Variants in UNC13C observed in about 807,000 individuals in gnomAD.
UNC13C encodes protein unc-13 homolog C.
UNC13C carries 174 observed loss-of-function variants against 245.4 expected under a neutral mutation model. The observed-to-expected ratio is 0.71, with a 90% CI of 0.63 to 0.80. The LOEUF is 0.80. UNC13C is among the 30% of genes least tolerant of loss of function. The pLI, the probability that UNC13C is intolerant of heterozygous loss-of-function variation, is 0.00. For synonymous variants in UNC13C, 992 were observed against 895.1 expected (o/e 1.11, Z -1.93); for missense variants, 2,829 against 2,602.9 (o/e 1.09, Z -1.89).
At chr15:54,068,011 T>C (rs758521630) in intron 2 of UNC13C, among the ~76,000 whole-genome samples, 2 of 152,210 alleles carry the variant, frequency 1.3e-5, no homozygotes, top group Non-Finnish European at 2.9e-5. Context: ...ATTGGGGTTA[T>C]TGAGAAGCAG....
At chr15:54,373,804 A>C (rs1241775593) in intron 17 of UNC13C, among the ~76,000 whole-genome samples, 1 of 152,166 alleles carries the variant, frequency 6.6e-6, no homozygotes, top group African/African-American at 2.4e-5. Context: ...TAGTCCTGCT[A>C]TTCAGTGGGT....
At chr15:54,571,228 C>A (rs1222163984) in intron 30 of UNC13C, among the ~76,000 whole-genome samples, 3 of 152,178 alleles carry the variant, frequency 2.0e-5, no homozygotes, top group African/African-American at 7.2e-5. Flanking sequence ...ACTCACAGTT[C>A]AGCATGGCTG....
chr15:54,359,266 T>G (rs1054876063), intron 17 of UNC13C, among the ~76,000 whole-genome samples: 8 of 151,956 alleles, frequency 5.3e-5, no homozygotes, highest in African/African-American at 1.9e-4. Context: ...AACAGGGATA[T>G]TGTCCTATAG....
chr15:54,464,957 A>G lies in UNC13C; in HGVS notation c.4934-29651A>G, dbSNP rs149105606. ...CATTCATTGTCTAGCCCCAATGATT[A>G]TAGAAGTTGATTTGTTATAACAAAT... On this transcript the variant is annotated intron_variant, in intron 19 of 32. Coordinates refer to ENST00000260323, the MANE Select transcript of UNC13C (RefSeq NM_001080534.3). Among the ~76,000 whole-genome samples, 538 of 152,094 alleles carry G rather than the reference A, an allele frequency of 3.5e-3. 4 individuals are homozygous for G. The highest frequency in any genetic ancestry group is 0.012 in the African/African-American group (511 of 41,536).
chr15:54,347,079 A>G (rs1016174191), intron 17 of UNC13C, among the ~76,000 whole-genome samples: 2 of 152,218 alleles, frequency 1.3e-5, no homozygotes, highest in African/African-American at 2.4e-5. Flanking sequence ...TAATATTAAT[A>G]GTGATTATTG....
At chr15:53,993,706 G>T (rs79818495) in intron 1 of UNC13C, among the ~76,000 whole-genome samples, 1 of 152,146 alleles carries the variant, frequency 6.6e-6, no homozygotes, top group East Asian at 1.9e-4. Context: ...TATTGTTGTT[G>T]TGTTTTTTTA....
At chr15:54,174,994 A>C (rs2033556594) in intron 4 of UNC13C, among the ~76,000 whole-genome samples, 1 of 152,100 alleles carries the variant, frequency 6.6e-6, no homozygotes, top group Admixed American at 6.5e-5. Flanking sequence ...TTGACCCCAC[A>C]TGTTTCTCCT....
chr15:54,597,543 A>G (rs550402878), intron 30 of UNC13C, among the ~76,000 whole-genome samples: 2 of 152,348 alleles, frequency 1.3e-5, no homozygotes, highest in East Asian at 1.9e-4. Context: ...AATGTTGGGC[A>G]TGGAGAATCA....
At chr15:53,838,778 G>T in the UNC13C span, among the ~76,000 whole-genome samples, 8 of 151,894 alleles carry the variant, frequency 5.3e-5, 1 homozygote, top group East Asian at 1.5e-3. Flanking sequence ...TCTGTTCTCT[G>T]GAAGAGCTTG....
Position 54,013,801 on chromosome 15 carries a change from A to T in UNC13C, c.898A>T (p.Arg300Trp). ...QLRTGFVQSRRETRDIHDYIK... is the reference protein window; with the variant it reads ...QLRTGFVQSRWETRDIHDYIK... The stretch of plus-strand genomic sequence containing the variant: ...GCGCACAGGGTTTGTCCAGTCTCGG[A>T]GGGAAACTAGAGACATCCATGATTA... The change falls in exon 2 of 33, where the codon AGG (arginine) becomes TGG (tryptophan). Residue 300 changes from arginine (R) to tryptophan (W), a missense_variant. By Grantham distance (101) the Arg-to-Trp change is moderately radical. Transcript: ENST00000260323. 1 of 1,611,816 alleles carries T rather than the reference A, an allele frequency of 6.2e-7. No individual in the cohort carries two copies. The highest frequency in any genetic ancestry group is 8.5e-7 in the Non-Finnish European group (1 of 1,179,082).
At chr15:54,425,630 C>T (rs2040744285) in intron 19 of UNC13C, among the ~76,000 whole-genome samples, 1 of 151,836 alleles carries the variant, frequency 6.6e-6, no homozygotes, top group African/African-American at 2.4e-5. Flanking sequence ...CAGTGGCCTT[C>T]ACACTGCGTT....
At chr15:54,467,891 T>C (rs1037711855) in intron 19 of UNC13C, among the ~76,000 whole-genome samples, 6 of 151,700 alleles carry the variant, frequency 4.0e-5, no homozygotes, top group African/African-American at 1.2e-4. Flanking sequence ...GTTTCCCACA[T>C]TGAATAATAT....
chr15:54,567,772 G>T (rs1688782355), intron 29 of UNC13C, 28 bp from the exon 30 acceptor site: 1 of 1,555,806 alleles, frequency 6.4e-7, no homozygotes. Flanking sequence ...CTCTCTAAAT[G>T]CCTCGGCTTA....
chr15:54,446,901 C>A (rs1297316568), intron 19 of UNC13C, among the ~76,000 whole-genome samples: 1 of 152,120 alleles, frequency 6.6e-6, no homozygotes, highest in Non-Finnish European at 1.5e-5. Context: ...AGTTTTTGCC[C>A]ATTCAGTATG....
intron 14 of UNC13C, among the ~76,000 whole-genome samples, chr15:54,330,491 C>T (rs1399901814): frequency 6.6e-6 from 1 of 151,862 alleles, no homozygotes; most frequent in African/African-American, 2.4e-5. Flanking sequence ...ATAAGAGGGC[C>T]GATGATTTGG....
rs1901339461 is a variant in UNC13C at position 54,628,503 on chromosome 15, A to AAAC, written c.*1391_*1393dup. ...CCAGTGAGGTGAGCTAATTCATGTT[A>AAAC]AACTGTTAGGCCACTGCTTTGTTAA... On this transcript the variant is annotated 3_prime_UTR_variant, in exon 33 of 33. Transcript: ENST00000260323. The AAAC allele has an allele frequency of 6.6e-6, 1 of 152,582 alleles. No individual in the cohort carries two copies. Among genetic ancestry groups the AAAC allele is most frequent in the Non-Finnish European group, 1.5e-5 (1 of 68,012 alleles). The allele number at this position is 152,582 out of a possible 1,614,324, so 9.5% of individuals were successfully genotyped here.
At chr15:54,553,380 TTATG>T (rs1417064312) in intron 28 of UNC13C, among the ~76,000 whole-genome samples, 2 of 127,158 alleles carry the variant, frequency 1.6e-5, no homozygotes, top group African/African-American at 2.9e-5. Context: ...TTATATTATA[TTATG>T]TATTAGTATA....
chr15:54,393,689 G>A (rs957532198), intron 18 of UNC13C, among the ~76,000 whole-genome samples: 2 of 151,738 alleles, frequency 1.3e-5, no homozygotes, highest in African/African-American at 4.8e-5. Flanking sequence ...TCTAAGACAT[G>A]GCAGATGAAT....
chr15:53,961,837 C>G, the UNC13C span, among the ~76,000 whole-genome samples: 4 of 152,164 alleles, frequency 2.6e-5, no homozygotes, highest in Non-Finnish European at 5.9e-5. Context: ...GTAAATGGCA[C>G]ATCAGCATGA....
Sources: gnomAD v4.1 joint callset for allele counts (sites outside exome capture counted in the v4.1 genomes callset) on GRCh38, gnomAD v4.1.1 for gene constraint, MANE v1.5 for transcripts, NCBI Gene and HGNC (gene_info 2026-07-23, HGNC 2026-07-21) for gene names.